The following MACF1 variants were observed in gnomAD, a reference collection of about 807,000 sequenced individuals.
The protein encoded by MACF1 is microtubule-actin cross-linking factor 1.
MACF1 carries 193 observed loss-of-function variants against 854.8 expected under a neutral mutation model. That is an observed-to-expected ratio of 0.23 (90% CI 0.20 to 0.25). The LOEUF (loss-of-function observed/expected upper bound fraction) is 0.25, where lower values mean the gene tolerates loss of function less well. Ranked by LOEUF, MACF1 falls within the 10% of genes least tolerant of loss-of-function variation. The pLI is 1.00. For missense variants in MACF1, 7,722 were observed against 8,929.1 expected (o/e 0.86, Z 5.45); for synonymous variants, 3,185 against 3,226.7 (o/e 0.99, Z 0.44).
rs375197151 is a variant in MACF1, at chr1:39,430,696, C to T, written c.17131-6C>T. On this transcript the variant is annotated splice_region_variant and splice_polypyrimidine_tract_variant and intron_variant, in intron 65 of 100. Coordinates refer to ENST00000564288, the MANE Select transcript of MACF1 (RefSeq NM_001394062.1). ...GTATGGCCTGAAAACTCTTTTCCCTCCTTAGGAATTAAAGAAGGAGGTCAT... is the reference window on the plus strand; with the variant it reads ...GTATGGCCTGAAAACTCTTTTCCCTTCTTAGGAATTAAAGAAGGAGGTCAT... 5.6e-6 allele frequency: 9 copies of T among 1,610,564 alleles called. No individual in the cohort carries two copies. The highest frequency in any genetic ancestry group is 6.8e-6 in the Non-Finnish European group (8 of 1,178,876).
At chr1:39,208,675 C>T (rs980664720) in intron 1 of MACF1, among the ~76,000 whole-genome samples, 10 of 151,932 alleles carry the variant, frequency 6.6e-5, no homozygotes, top group East Asian at 3.9e-4. Context: ...CCCAGGCTGG[C>T]GTGCAGTGGT....
At chr1:39,102,741 A>C (rs1328939833) in intron 2 of MACF1, 2 of 702,336 alleles carry the variant, frequency 2.8e-6, no homozygotes, top group Admixed American at 2.0e-5. Flanking sequence ...CCCCCATTGC[A>C]GCCTTCTTAG....
rs2171980 is a variant in MACF1 at position 39,387,095 on chromosome 1, C to T, written c.14345-92C>T. Reference sequence around the variant, plus strand: ...TAGGCCCTCAAGTAACATTAGTTCCCTTCCCCCAAGATTAGACCGTATACT... The same window carrying T: ...TAGGCCCTCAAGTAACATTAGTTCCTTTCCCCCAAGATTAGACCGTATACT... On this transcript the variant is annotated intron_variant, in intron 57 of 100. Coordinates refer to ENST00000564288, the MANE Select transcript of MACF1 (RefSeq NM_001394062.1). 642 of 1,418,002 alleles carry T rather than the reference C, an allele frequency of 4.5e-4. 3 individuals carry two copies. In the African/African-American group the frequency reaches 8.0e-3, roughly 18 times the overall value. 87.8% of individuals were successfully genotyped at this position (1,418,002 alleles called of 1,614,324 possible).
Position 39,324,298 on chromosome 1 carries a change from G to A in MACF1, c.4342G>A (p.Glu1448Lys), listed in dbSNP as rs770040321. 1.9e-5 allele frequency: 31 copies of A among 1,613,798 alleles called. No homozygotes were observed. The highest frequency in any genetic ancestry group is 1.6e-4 in the Middle Eastern group (1 of 6,080). The change falls in exon 34 of 101, where the codon GAG becomes AAG. Residue 1448 changes from glutamate to lysine, a missense_variant. Coordinates refer to ENST00000564288, the MANE Select transcript of MACF1 (RefSeq NM_001394062.1). Reference protein sequence around the residue: ...RNTQGKATSSETKESTDIEKA... With the variant: ...RNTQGKATSSKTKESTDIEKA... The stretch of plus-strand genomic sequence containing the variant: ...TACACAAGGAAAAGCTACCTCATCC[G>A]AGACCAAAGAATCAACAGACATTGA...
chr1:39,381,161 G>A (rs970110989), intron 55 of MACF1, among the ~76,000 whole-genome samples: 5 of 151,904 alleles, frequency 3.3e-5, no homozygotes, highest in Non-Finnish European at 4.4e-5. Context: ...AGGTTCAAGC[G>A]ATTCTCCTGC....
intron 2 of MACF1, among the ~76,000 whole-genome samples, chr1:39,178,875 G>A (rs977794695): frequency 2.0e-5 from 3 of 152,142 alleles, no homozygotes; most frequent in Non-Finnish European, 2.9e-5. Context: ...GACTTAATGC[G>A]TATTGAAAGT....
intron 6 of MACF1, chr1:39,269,837 A>G (rs1645282397): frequency 2.5e-6 from 2 of 800,178 alleles, no homozygotes; most frequent in Non-Finnish European, 3.4e-6. Context: ...ACTTACCCCC[A>G]TGTGGGTTAG....
intron 2 of MACF1, among the ~76,000 whole-genome samples, chr1:39,145,396 A>C (rs916981420): frequency 6.6e-6 from 1 of 152,084 alleles, no homozygotes; most frequent in Non-Finnish European, 1.5e-5. Context: ...GGGCATATAC[A>C]TATATATTTT....
chr1:39,237,280 C>T (rs771993204), intron 2 of MACF1, among the ~76,000 whole-genome samples: 68 of 152,216 alleles, frequency 4.5e-4, no homozygotes, highest in Non-Finnish European at 8.5e-4. Flanking sequence ...ACCTCTGTTC[C>T]TCAGATTAAA....
rs954131981 is a variant in MACF1 at position 39,283,784 on chromosome 1, T to C, written c.915+269T>C. On this transcript the variant is annotated intron_variant, in intron 9 of 100. Transcript: ENST00000564288. This position sits in a 1 kb window ranked among gnomAD's most constrained non-coding sequence, Gnocchi z 4.5. ...CTGTAATTCAAGATGAGGAAGTGTTTTATCAGTCACTTATGTATCAGCTTG... is the reference window on the plus strand; with the variant it reads ...CTGTAATTCAAGATGAGGAAGTGTTCTATCAGTCACTTATGTATCAGCTTG... 3.3e-5 allele frequency among the ~76,000 whole-genome samples: 5 copies of C among 152,194 alleles called. No individual in the cohort carries two copies. The highest frequency in any genetic ancestry group is 9.7e-5 in the African/African-American group (4 of 41,446).
At chr1:39,113,642 A>C (rs1431811256) in intron 2 of MACF1, among the ~76,000 whole-genome samples, 1 of 152,222 alleles carries the variant, frequency 6.6e-6, no homozygotes, top group East Asian at 1.9e-4. Context: ...TAAACAGAGA[A>C]AAATAAAAGC....
intron 2 of MACF1, among the ~76,000 whole-genome samples, chr1:39,198,656 C>CA (rs539074566): frequency 0.017 from 1,316 of 75,804 alleles, 13 homozygotes; most frequent in Middle Eastern, 0.049. Context: ...AACTCCGTCT[C>CA]AAAAAAAAAA....
intron 65 of MACF1, 107 bp from the exon 66 acceptor site, chr1:39,430,595 C>A: frequency 1.2e-6 from 1 of 814,694 alleles, no homozygotes; most frequent in Non-Finnish European, 2.0e-6. Context: ...GGAAGGAGGT[C>A]AGAGTCCTGC....
intron 58 of MACF1, among the ~76,000 whole-genome samples, chr1:39,415,497 G>A (rs936771358): frequency 3.4e-5 from 5 of 148,864 alleles, no homozygotes; most frequent in Non-Finnish European, 5.9e-5. Flanking sequence ...CACTACGCCC[G>A]GCAATTTTTT....
At chr1:39,433,775 C>A (rs1457179320) in intron 68 of MACF1, among the ~76,000 whole-genome samples, 2 of 152,066 alleles carry the variant, frequency 1.3e-5, no homozygotes, top group Non-Finnish European at 2.9e-5. Flanking sequence ...CAGTTTTAAA[C>A]TGATCCATTA....
chr1:39,102,561 G>A, intron 2 of MACF1: 3 of 597,388 alleles, frequency 5.0e-6, no homozygotes, highest in Non-Finnish European at 8.9e-6. Context: ...ATGGCCCTGA[G>A]GCGAGATAAC....
intron 21 of MACF1, chr1:39,299,307 T>G (rs1196765038): frequency 2.2e-6 from 1 of 456,076 alleles, no homozygotes; most frequent in African/African-American, 2.0e-5. Flanking sequence ...TCTTAGTTCT[T>G]TAATGGCATT....
chr1:39,432,917 G>A, intron 67 of MACF1, 131 bp from the exon 68 acceptor site: 1 of 628,146 alleles, frequency 1.6e-6, no homozygotes, highest in Non-Finnish European at 2.7e-6. Flanking sequence ...TAGAGAAGAT[G>A]TTGGATAGGC....
intron 40 of MACF1, among the ~76,000 whole-genome samples, 168 bp from the exon 41 acceptor site, chr1:39,346,809 G>A (rs1333066963): frequency 3.9e-5 from 6 of 152,212 alleles, no homozygotes; most frequent in South Asian, 4.2e-4. Context: ...ATGAGCCACC[G>A]CACCTGGCCA....
Sources: gnomAD v4.1 joint callset for allele counts (sites outside exome capture counted in the v4.1 genomes callset) on GRCh38, gnomAD v4.1.1 for gene constraint, Gnocchi (gnomAD v3.1) non-coding constraint, MANE v1.5 for transcripts, NCBI Gene and HGNC (gene_info 2026-07-23, HGNC 2026-07-21) for gene names.